The following ADAM20 variants were observed in gnomAD, a reference collection of about 807,000 sequenced individuals.
ADAM20 encodes the protein disintegrin and metalloproteinase domain-containing protein 20.
For synonymous variants in ADAM20, 305 were observed against 310.2 expected (o/e 0.98, Z 0.18); for missense variants, 871 against 883.2 (o/e 0.99, Z 0.18).
At chr14:70,562,912 T>A in the ADAM20 span, among the ~76,000 whole-genome samples, 1 of 152,126 alleles carries the variant, frequency 6.6e-6, no homozygotes, top group African/African-American at 2.4e-5. Context: ...AATGGAGAAA[T>A]ATATGTTTCT....
chr14:70,555,797 C>T, the ADAM20 span, among the ~76,000 whole-genome samples: 1 of 152,174 alleles, frequency 6.6e-6, no homozygotes, highest in Non-Finnish European at 1.5e-5. Flanking sequence ...CCTCTGCACC[C>T]TCTTACTTCT....
chr14:70,537,954 G>A (rs1056804698), upstream of ADAM20, among the ~76,000 whole-genome samples: 17 of 152,038 alleles, frequency 1.1e-4, no homozygotes, highest in African/African-American at 4.1e-4. Context: ...CCTGTGTCAA[G>A]CTTGTACCCC....
chr14:70,544,088 C>T, the ADAM20 span, among the ~76,000 whole-genome samples: 1 of 151,884 alleles, frequency 6.6e-6, no homozygotes, highest in Non-Finnish European at 1.5e-5. Flanking sequence ...GAGATGTCAG[C>T]CCCAAGATAA....
chr14:70,531,629 G>C (rs1883713166), intron 1 of ADAM20, among the ~76,000 whole-genome samples: 1 of 152,010 alleles, frequency 6.6e-6, no homozygotes, highest in Non-Finnish European at 1.5e-5. Context: ...AAACAAACCT[G>C]TTATAGCTAA....
chr14:70,522,781 T>A lies in ADAM20; in HGVS notation c.1977A>T (p.Ala659=), dbSNP rs759704071. The change falls in exon 2 of 2, where the codon GCA becomes GCT. Residue 659 remains alanine, a synonymous_variant. Transcript: ENST00000256389. The part of the protein sequence containing the change: ...KQHCHCNHEW[A]PPYCKDKGYG... ...AGCCTTTGTCCTTGCAGTATGGGGG[T>A]GCCCATTCATGGTTGCAGTGACAGT... 1 of 1,614,018 alleles carries A rather than the reference T, an allele frequency of 6.2e-7. No individual in the cohort carries two copies. The highest frequency in any genetic ancestry group is 8.5e-7 in the Non-Finnish European group (1 of 1,179,942).
At chr14:70,538,279 C>A (rs1230524112), upstream of ADAM20, among the ~76,000 whole-genome samples, 3 of 152,162 alleles carry the variant, frequency 2.0e-5, no homozygotes. Flanking sequence ...CATTCATATG[C>A]CTTTTTCCAT....
chr14:70,553,804 C>T, the ADAM20 span, among the ~76,000 whole-genome samples: 1 of 151,424 alleles, frequency 6.6e-6, no homozygotes. Context: ...AAAAAGCCAC[C>T]ATATATGACA....
rs566403154 is a variant in ADAM20 at position 70,534,367 on chromosome 14, C to T, written c.-177+430G>A. 1.9e-4 allele frequency among the ~76,000 whole-genome samples: 29 copies of T among 151,966 alleles called. No homozygotes were observed. The South Asian group carries it at 3.5e-3, about 19-fold the overall frequency. The stretch of plus-strand genomic sequence containing the variant: ...AGTAATCCCACTTCTAGGTATTTAT[C>T]CAAATTATCAAAATCGGGCTCTTGA... On this transcript the variant is annotated intron_variant, in intron 1 of 1. Transcript: ENST00000256389.
In ADAM20 at chr14:70,524,619, T is replaced by G. The variant is rs1228957336; in HGVS notation, c.139A>C (p.Lys47Gln). Residue 47 changes from lysine to glutamine, a missense_variant, in exon 2 of 2, where the codon AAG becomes CAG. Transcript: ENST00000256389. ...FTSPEVVIPL[K>Q]VISRGRGAKA... ...GCACCTCTGCCCCTGCTGATCACCT[T>G]CAAAGGGATCACCACTTCTGGAGAA... The G allele has an allele frequency of 6.2e-7, 1 of 1,613,920 alleles. No individual in the cohort carries two copies. Among genetic ancestry groups the G allele is most frequent in the East Asian group, 2.2e-5 (1 of 44,882 alleles).
rs58265321 is a variant in ADAM20 at position 70,528,988 on chromosome 14, A to T, written c.-176-4055T>A. Among the ~76,000 whole-genome samples the T allele has an allele frequency of 5.4e-3, 829 of 152,352 alleles. 11 individuals are homozygous for T. The highest frequency in any genetic ancestry group is 0.019 in the African/African-American group (779 of 41,584). On this transcript the variant is annotated intron_variant, in intron 1 of 1. Coordinates refer to ENST00000256389, the MANE Select transcript of ADAM20 (RefSeq NM_003814.5). ...AGGGCTCAATTTATCAGGAAGATATAACAATTAGAAATATATGCACCCAAC... is the reference window on the plus strand; with the variant it reads ...AGGGCTCAATTTATCAGGAAGATATTACAATTAGAAATATATGCACCCAAC...
Position 70,523,512 on chromosome 14 carries a change from C to A in ADAM20, c.1246G>T (p.Glu416Ter). ...RLKYCGNLVV[E>*]EGEECDCGTI... ...CCACAGTCACATTCCTCCCCTTCTTCAACCACTAGATTCCCACAGTACTTC... is the reference window on the plus strand; with the variant it reads ...CCACAGTCACATTCCTCCCCTTCTTAAACCACTAGATTCCCACAGTACTTC... Residue 416 changes from glutamate to a stop codon, truncating the protein, a stop_gained, in exon 2 of 2, where the codon GAA becomes TAA. Coordinates refer to ENST00000256389, the MANE Select transcript of ADAM20 (RefSeq NM_003814.5). LOFTEE classifies it low-confidence loss of function (END_TRUNC). The A allele has an allele frequency of 3.7e-6, 6 of 1,614,116 alleles. No homozygotes were observed. The highest frequency in any genetic ancestry group is 5.1e-6 in the Non-Finnish European group (6 of 1,179,978).
the ADAM20 span, among the ~76,000 whole-genome samples, chr14:70,561,385 T>G: frequency 6.6e-6 from 1 of 152,182 alleles, no homozygotes; most frequent in East Asian, 1.9e-4. Flanking sequence ...GAACTTGTAT[T>G]TAAAAGAGAA....
In ADAM20 at chr14:70,523,614, C is replaced by G. The variant is rs1258848382; in HGVS notation, c.1144G>C (p.Ala382Pro). The change falls in exon 2 of 2, where the codon GCC becomes CCC. Residue 382 changes from alanine to proline, a missense_variant. By Grantham distance (27) the Ala-to-Pro change is conservative (BLOSUM62 -1). Transcript: ENST00000256389. The stretch of plus-strand genomic sequence containing the variant: ...CTGATAGTACTGTCCCAATATTGGG[C>G]ATAACTGCAGTTGCTAAATTTAGTT... ...VTTKFSNCSY[A>P]QYWDSTISSG... 6.2e-7 allele frequency: 1 copy of G among 1,614,038 alleles called. No individual in the cohort carries two copies. Among genetic ancestry groups the G allele is most frequent in the Non-Finnish European group, 8.5e-7 (1 of 1,179,972 alleles).
At chr14:70,534,275 C>T (rs1883783566) in intron 1 of ADAM20, among the ~76,000 whole-genome samples, 1 of 151,714 alleles carries the variant, frequency 6.6e-6, no homozygotes, top group Non-Finnish European at 1.5e-5. Context: ...AGTAAAATGG[C>T]ACAGCTGCTA....
chr14:70,530,767 G>A (rs943508779), intron 1 of ADAM20, among the ~76,000 whole-genome samples: 1 of 151,888 alleles, frequency 6.6e-6, no homozygotes, highest in Non-Finnish European at 1.5e-5. Context: ...AACTAAGAGG[G>A]AAATTAGCAA....
At chr14:70,568,372 A>G in the ADAM20 span, among the ~76,000 whole-genome samples, 4 of 151,784 alleles carry the variant, frequency 2.6e-5, no homozygotes, top group Admixed American at 2.0e-4. Flanking sequence ...AAAAGGATTG[A>G]AAAATTAAAA....
chr14:70,562,634 T>C, the ADAM20 span, among the ~76,000 whole-genome samples: 1 of 152,220 alleles, frequency 6.6e-6, no homozygotes, highest in Non-Finnish European at 1.5e-5. Flanking sequence ...GCTGTTCTCA[T>C]GATAGTGAGT....
the ADAM20 span, among the ~76,000 whole-genome samples, chr14:70,553,309 TAAAA>T: frequency 8.6e-3 from 148 of 17,248 alleles, no homozygotes; most frequent in East Asian, 0.014. Context: ...TAGAGTATAA[TAAAA>T]AAAAAAAAAA....
chr14:70,528,990 C>A (rs1254170651), intron 1 of ADAM20, among the ~76,000 whole-genome samples: 1 of 152,126 alleles, frequency 6.6e-6, no homozygotes, highest in African/African-American at 2.4e-5. Flanking sequence ...GAAGATATAA[C>A]AATTAGAAAT....
Sources: gnomAD v4.1 joint callset for allele counts (sites outside exome capture counted in the v4.1 genomes callset) on GRCh38, gnomAD v4.1.1 for gene constraint, MANE v1.5 for transcripts, NCBI Gene and HGNC (gene_info 2026-07-23, HGNC 2026-07-21) for gene names.